The following ADAM10 variants were observed in gnomAD, a reference collection of about 807,000 sequenced individuals.
ADAM10 encodes the protein ADAM metallopeptidase domain 10, also known as disintegrin and metalloproteinase domain-containing protein 10.
In ADAM10, 17 loss-of-function variants were observed where a neutral mutation model predicts 90.1. The observed-to-expected ratio is 0.19, with a 90% CI of 0.13 to 0.28. The LOEUF is 0.28. Among genes scored for constraint, ADAM10 ranks in the 10% least tolerant of loss-of-function variants. ADAM10 has a pLI of 1.00. For missense variants in ADAM10, 610 were observed against 914.3 expected (o/e 0.67, Z 4.29); for synonymous variants, 310 against 298.6 (o/e 1.04, Z -0.40).
intron 2 of ADAM10, among the ~76,000 whole-genome samples, chr15:58,709,375 C>T (rs1261686500): frequency 6.6e-6 from 1 of 152,120 alleles, no homozygotes; most frequent in Non-Finnish European, 1.5e-5. Context: ...ATAGGCTTTT[C>T]TACTAGGCAT....
intron 6 of ADAM10, among the ~76,000 whole-genome samples, chr15:58,644,642 T>C (rs1159333364): frequency 6.6e-6 from 1 of 152,252 alleles, no homozygotes; most frequent in African/African-American, 2.4e-5. Context: ...TATCCTTCTC[T>C]ATTTATCCTT....
intron 2 of ADAM10, among the ~76,000 whole-genome samples, chr15:58,706,108 A>G (rs566873733): frequency 1.3e-4 from 20 of 152,224 alleles, no homozygotes; most frequent in Non-Finnish European, 2.1e-4. Flanking sequence ...TATTTTAGCT[A>G]AAGACAGTAT....
At chr15:58,615,546 AACACATG>A (rs1895584252) in intron 11 of ADAM10, among the ~76,000 whole-genome samples, 1 of 152,130 alleles carries the variant, frequency 6.6e-6, no homozygotes, top group Admixed American at 6.5e-5. Context: ...CGGCCTCCCA[AACACATG>A]ACACATCCAC....
At chr15:58,683,012 C>T (rs28420235) in intron 2 of ADAM10, among the ~76,000 whole-genome samples, 11,952 of 152,094 alleles carry the variant, frequency 0.079, 1,360 homozygotes, top group African/African-American at 0.25. Flanking sequence ...AATCTTAAGC[C>T]TAGAATTTAC....
rs182619270 is a variant in ADAM10 at position 58,677,261 on chromosome 15, T to C, written c.484+1863A>G. 2.9e-3 allele frequency among the ~76,000 whole-genome samples: 442 copies of C among 152,322 alleles called. 2 individuals carry two copies. The highest frequency in any genetic ancestry group is 0.01 in the African/African-American group (424 of 41,578). Reference sequence around the variant, plus strand: ...TTAAATTCTAACCCCACTACTGATATGTAATAATAAAAAGAATGTTAAAAA... The same window carrying C: ...TTAAATTCTAACCCCACTACTGATACGTAATAATAAAAAGAATGTTAAAAA... On this transcript the variant is annotated intron_variant, in intron 4 of 15. Transcript: ENST00000260408.
At chr15:58,643,775 A>C (rs1896475357) in intron 7 of ADAM10, 111 bp downstream of exon 7, 5 of 866,686 alleles carry the variant, frequency 5.8e-6, no homozygotes, top group Non-Finnish European at 9.5e-6. Context: ...CAATTAAACT[A>C]AACTACTTAA....
At chr15:58,658,554 T>C (rs1596037999) in intron 5 of ADAM10, among the ~76,000 whole-genome samples, 1 of 152,324 alleles carries the variant, frequency 6.6e-6, no homozygotes, top group Admixed American at 6.5e-5. Context: ...GAAGTCTTGA[T>C]ACTGACTGCA....
chr15:58,665,229 C>CAATA, intron 4 of ADAM10, 32 bp from the exon 5 acceptor site: 2 of 1,463,424 alleles, frequency 1.4e-6, no homozygotes, highest in Non-Finnish European at 9.6e-7. Context: ...TCATTACTAT[C>CAATA]ACACATTTAG....
chr15:58,636,536 T>C (rs1261714825), intron 8 of ADAM10, among the ~76,000 whole-genome samples: 1 of 152,178 alleles, frequency 6.6e-6, no homozygotes, highest in East Asian at 1.9e-4. Context: ...TATTTATCAC[T>C]GACAAATACA....
In ADAM10 at chr15:58,597,411, G is replaced by A. The variant is rs1351784786; in HGVS notation, c.*136C>T. The A allele has an allele frequency of 2.6e-6, 4 of 1,556,952 alleles. No individual in the cohort carries two copies. Among genetic ancestry groups the A allele is most frequent in the Non-Finnish European group, 3.5e-6 (4 of 1,149,428 alleles). On this transcript the variant is annotated 3_prime_UTR_variant, in exon 16 of 16. Coordinates refer to ENST00000260408, the MANE Select transcript of ADAM10 (RefSeq NM_001110.4). ...TTTAAGTAATTCCACCTGGTCTGAG[G>A]ATATGATCTCTTGCCATTTTTTCTT... is the stretch of plus-strand genomic sequence containing the variant.
intron 2 of ADAM10, among the ~76,000 whole-genome samples, chr15:58,711,425 T>C (rs1422256134): frequency 1.3e-5 from 2 of 152,224 alleles, no homozygotes; most frequent in Admixed American, 6.5e-5. Context: ...GTTTTACTAA[T>C]GAGGAAACTG....
chr15:58,655,696 GTATATATATATATAGTATA>G lies in ADAM10; in HGVS notation c.585+9382_585+9400del, dbSNP rs1300174966. Among the ~76,000 whole-genome samples, 19 of 68,256 alleles carry G rather than the reference GTATATATATATATAGTATA, an allele frequency of 2.8e-4. 1 individual carries two copies. The highest frequency in any genetic ancestry group is 4.1e-4 in the Non-Finnish European group (17 of 41,962). 44.8% of individuals were successfully genotyped at this position (68,256 alleles called of 152,430 possible). On this transcript the variant is annotated intron_variant, in intron 5 of 15. Transcript: ENST00000260408. ...TACATACATATATATATTATATATA[GTATATATATATATAGTATA>G]TATATATATATATATATATATATAT...
intron 2 of ADAM10, chr15:58,692,903 T>C (rs1202350760): frequency 2.9e-6 from 2 of 692,598 alleles, no homozygotes; most frequent in East Asian, 3.3e-5. Context: ...AAATTATTTA[T>C]GAGATCAGCC....
At chr15:58,700,267 T>C (rs971626064) in intron 2 of ADAM10, among the ~76,000 whole-genome samples, 10 of 152,182 alleles carry the variant, frequency 6.6e-5, no homozygotes, top group African/African-American at 2.4e-4. Flanking sequence ...ACAGATTTCA[T>C]ACAACAGTTA....
intron 1 of ADAM10, among the ~76,000 whole-genome samples, chr15:58,735,037 T>C (rs771613768): frequency 3.3e-5 from 5 of 152,174 alleles, no homozygotes; most frequent in Non-Finnish European, 7.3e-5. Context: ...TTCTAAACTT[T>C]AGCAATCAGT....
intron 1 of ADAM10, among the ~76,000 whole-genome samples, chr15:58,745,503 T>G (rs1679701170): frequency 6.6e-6 from 1 of 152,242 alleles, no homozygotes; most frequent in Non-Finnish European, 1.5e-5. Context: ...AAGCTGCTAC[T>G]ATTATGAAAA....
At chr15:58,704,764 C>T (rs2140795969) in intron 2 of ADAM10, among the ~76,000 whole-genome samples, 1 of 152,266 alleles carries the variant, frequency 6.6e-6, no homozygotes, top group South Asian at 2.1e-4. Flanking sequence ...TATATTACTG[C>T]ATCTTACCCT....
intron 1 of ADAM10, among the ~76,000 whole-genome samples, chr15:58,741,931 T>C (rs1595672768): frequency 1.3e-5 from 2 of 152,294 alleles, no homozygotes; most frequent in East Asian, 1.9e-4. Flanking sequence ...GACTATCGAT[T>C]CCAGGCAAGT....
intron 2 of ADAM10, among the ~76,000 whole-genome samples, chr15:58,712,070 G>T (rs1441727902): frequency 1.3e-5 from 2 of 152,060 alleles, no homozygotes; most frequent in Non-Finnish European, 2.9e-5. Flanking sequence ...TTTTTCTCAT[G>T]CTATATTAAT....
Sources: allele counts gnomAD v4.1 joint callset (sites outside exome capture counted in the v4.1 genomes callset), GRCh38; gene constraint gnomAD v4.1.1; transcripts MANE v1.5; gene names NCBI Gene and HGNC (gene_info 2026-07-23, HGNC 2026-07-21).